IQSEC1: variants seen among roughly 807,000 people sequenced by gnomAD.
The protein encoded by IQSEC1 is IQ motif and SEC7 domain-containing protein 1.
In IQSEC1, 31 loss-of-function variants were observed where a neutral mutation model predicts 91.0. The ratio of observed to expected loss-of-function variants is 0.34; its 90% CI spans 0.26 to 0.46. The LOEUF is 0.46. Ranked by LOEUF, IQSEC1 falls within the 20% of genes least tolerant of loss-of-function variation. The pLI is 1.00. For missense variants in IQSEC1, 1,388 were observed against 1,575.6 expected, an observed-to-expected ratio of 0.88 and a Z score of 2.02; for synonymous variants, 699 against 662.6, an observed-to-expected ratio of 1.05 and a Z score of -0.84.
intron 1 of IQSEC1, chr3:13,022,521 G>C (rs1039366108): frequency 1.1e-6 from 1 of 946,118 alleles, no homozygotes; most frequent in Non-Finnish European, 1.3e-6. Flanking sequence ...GAAAAGCTCA[G>C]CTGCCGGAGC....
At chr3:13,186,957 G>A (rs1189167868) in intron 1 of IQSEC1, among the ~76,000 whole-genome samples, 1 of 151,958 alleles carries the variant, frequency 6.6e-6, no homozygotes, top group African/African-American at 2.4e-5. Context: ...TCCATGGCCC[G>A]CTCCTTACTT....
chr3:12,900,332 G>A lies in IQSEC1; in HGVS notation c.*651C>T, dbSNP rs1324209911. The A allele has an allele frequency of 1.0e-6, 1 of 984,294 alleles. No homozygotes were observed. Among genetic ancestry groups the A allele is most frequent in the Non-Finnish European group, 1.2e-6 (1 of 829,248 alleles). 61.0% of individuals were successfully genotyped at this position (984,294 alleles called of 1,614,324 possible). ...CCTAGCATTTAGGGTTTGGTCTATT[G>A]TCTCACACACCCAGCTAAGGTACTG... On this transcript the variant is annotated 3_prime_UTR_variant, in exon 14 of 14. Transcript: ENST00000613206.
intron 2 of IQSEC1, among the ~76,000 whole-genome samples, chr3:13,084,119 A>G (rs1424492800): frequency 6.6e-6 from 1 of 152,166 alleles, no homozygotes; most frequent in Non-Finnish European, 1.5e-5. Flanking sequence ...TGGAAGGTAG[A>G]AAAAGAAGAG....
At chr3:13,092,363 C>G (rs514398) in intron 2 of IQSEC1, among the ~76,000 whole-genome samples, 8,799 of 152,206 alleles carry the variant, frequency 0.058, 293 homozygotes, top group African/African-American at 0.079. Context: ...CTGCAAAGTC[C>G]TGCAAAGAGA....
chr3:12,993,267 G>T (rs2125635917), intron 1 of IQSEC1, among the ~76,000 whole-genome samples: 1 of 152,284 alleles, frequency 6.6e-6, no homozygotes, highest in East Asian at 1.9e-4. Context: ...GCTGCCCAAG[G>T]TCACACGGGG....
chr3:13,261,786 G>T (rs980424643), intron 1 of IQSEC1, among the ~76,000 whole-genome samples: 1 of 152,150 alleles, frequency 6.6e-6, no homozygotes, highest in Non-Finnish European at 1.5e-5. Flanking sequence ...ACACAGCTCA[G>T]TTCCTTCCAT....
intron 1 of IQSEC1, among the ~76,000 whole-genome samples, chr3:12,998,755 G>T (rs1702313783): frequency 6.6e-6 from 1 of 152,220 alleles, no homozygotes; most frequent in African/African-American, 2.4e-5. Context: ...TTGCCATGTT[G>T]CCATGCCCTG....
At chr3:13,276,299 A>G (rs1264381723) in intron 1 of IQSEC1, among the ~76,000 whole-genome samples, 1 of 151,912 alleles carries the variant, frequency 6.6e-6, no homozygotes, top group Non-Finnish European at 1.5e-5. Context: ...CGTGTCAGCC[A>G]GGATGGTCTC....
intron 2 of IQSEC1, among the ~76,000 whole-genome samples, chr3:13,101,208 G>A (rs1480795957): frequency 3.9e-5 from 6 of 152,122 alleles, no homozygotes; most frequent in Admixed American, 2.6e-4. Context: ...TAGGCTGGGC[G>A]CGGTGGCTCA....
In IQSEC1 at chr3:13,199,880, A is replaced by ACACACAC. The variant is rs1413920503; in HGVS notation, c.273-35754_273-35748dup. On this transcript the variant is annotated intron_variant, in intron 1 of 15. Coordinates refer to the IQSEC1 transcript ENST00000648114. ...AGCACACCACACACATATGCCACAC[A>ACACACAC]CACACACCACACACACACACAACAA... 2.6e-5 allele frequency among the ~76,000 whole-genome samples: 4 copies of ACACACAC among 151,646 alleles called. No homozygotes were observed. In the East Asian group the frequency reaches 7.8e-4, roughly 29 times the overall value.
chr3:13,021,679 G>A (rs1703404662), intron 1 of IQSEC1, among the ~76,000 whole-genome samples: 1 of 152,228 alleles, frequency 6.6e-6, no homozygotes, highest in Admixed American at 6.5e-5. Context: ...GAAGGGACGC[G>A]TGTGAGCCCC....
At chr3:13,057,129 C>A (rs566246376) in intron 1 of IQSEC1, among the ~76,000 whole-genome samples, 1 of 152,158 alleles carries the variant, frequency 6.6e-6, no homozygotes, top group Admixed American at 6.5e-5. Context: ...TACACAGAGG[C>A]CTTATCCTGA....
At chr3:13,031,551 T>A (rs1011505603) in intron 1 of IQSEC1, among the ~76,000 whole-genome samples, 6 of 152,164 alleles carry the variant, frequency 3.9e-5, no homozygotes, top group African/African-American at 1.4e-4. Flanking sequence ...TTTCTGACCT[T>A]TAGAACGGTG....
At chr3:13,102,283 AAAT>A (rs200690512) in intron 2 of IQSEC1, among the ~76,000 whole-genome samples, 2 of 151,720 alleles carry the variant, frequency 1.3e-5, no homozygotes, top group Non-Finnish European at 2.9e-5. Context: ...ACTTGTCTCA[AAAT>A]AATAATAATA....
chr3:13,053,251 T>C (rs1704755926), intron 1 of IQSEC1: 2 of 583,634 alleles, frequency 3.4e-6, no homozygotes, highest in Middle Eastern at 4.6e-4. Context: ...CTCTGCCACC[T>C]GCACGTCATC....
intron 2 of IQSEC1, among the ~76,000 whole-genome samples, chr3:13,107,293 C>G (rs1196385383): frequency 6.6e-6 from 1 of 152,230 alleles, no homozygotes; most frequent in African/African-American, 2.4e-5. Flanking sequence ...TACTTACAAG[C>G]TTTGAGGTCT....
intron 2 of IQSEC1, among the ~76,000 whole-genome samples, chr3:13,112,825 T>C (rs1051703544): frequency 6.6e-6 from 1 of 152,214 alleles, no homozygotes; most frequent in Admixed American, 6.5e-5. Flanking sequence ...CCTGAATGAC[T>C]CTGGAGGCTC....
At chr3:12,975,210 A>T (rs6773310) in intron 1 of IQSEC1, among the ~76,000 whole-genome samples, 37,724 of 152,194 alleles carry the variant, frequency 0.25, 5,582 homozygotes, top group East Asian at 0.75. Context: ...GTACGGGGGC[A>T]AAAGTGCAAG....
intron 2 of IQSEC1, among the ~76,000 whole-genome samples, chr3:12,938,595 G>C (rs1314258006): frequency 6.6e-6 from 1 of 152,190 alleles, no homozygotes. Flanking sequence ...TAAGCAGAAA[G>C]TTTCTATTTT....
Sources: gnomAD v4.1 joint callset for allele counts (sites outside exome capture counted in the v4.1 genomes callset) on GRCh38, gnomAD v4.1.1 for gene constraint, MANE v1.5 for transcripts, NCBI Gene and HGNC (gene_info 2026-07-23, HGNC 2026-07-21) for gene names.